Variants in KYNU observed in about 807,000 individuals in gnomAD.
The protein encoded by KYNU is L-kynurenine hydrolase.
A neutral mutation model predicts 59.2 loss-of-function variants in KYNU; 54 were observed. That is an observed-to-expected ratio of 0.91 (90% CI 0.73 to 1.14). The LOEUF is 1.14. Among genes scored for constraint, KYNU ranks in the 50% most tolerant of loss-of-function variants. The pLI, the probability that KYNU is intolerant of heterozygous loss-of-function variation, is 0.00. For missense variants in KYNU, 567 were observed against 554.4 expected (o/e 1.02, Z -0.23); for synonymous variants, 177 against 192.0 (o/e 0.92, Z 0.65).
chr2:143,029,586 A>G, intron 10 of KYNU, 41 bp from the exon 11 acceptor site: 2 of 1,419,536 alleles, frequency 1.4e-6, no homozygotes, highest in South Asian at 2.3e-5. Flanking sequence ...ACTCCATCCA[A>G]AAAAACCCCC....
At chr2:143,002,557 A>G (rs1204639885) in intron 10 of KYNU, among the ~76,000 whole-genome samples, 2 of 152,224 alleles carry the variant, frequency 1.3e-5, no homozygotes, top group East Asian at 3.8e-4. Context: ...TGAATTTTTA[A>G]TATCACTCCA....
At chr2:143,000,635 A>C (rs188644697) in intron 10 of KYNU, among the ~76,000 whole-genome samples, 29 of 146,194 alleles carry the variant, frequency 2.0e-4, no homozygotes, top group Non-Finnish European at 2.7e-4. Context: ...GGCACTAGAA[A>C]AGCTTTTGGA....
At chr2:142,969,194 A>G (rs1425013694) in intron 8 of KYNU, among the ~76,000 whole-genome samples, 6 of 152,144 alleles carry the variant, frequency 3.9e-5, no homozygotes, top group African/African-American at 1.4e-4. Context: ...ACACATATAT[A>G]TATTTGTAAA....
At position 143,040,787 on chromosome 2, in the gene KYNU, G is replaced by T. The variant is rs115827838; in HGVS notation, c.1272+129G>T. On this transcript the variant is annotated intron_variant, in intron 13 of 13. Coordinates refer to ENST00000264170, the MANE Select transcript of KYNU (RefSeq NM_003937.3). ...AGTCAGTCAATTAAGGATAAATTAAGTGCCAACTAAGCCCTCAGCACTGTG... is the reference window on the plus strand; with the variant it reads ...AGTCAGTCAATTAAGGATAAATTAATTGCCAACTAAGCCCTCAGCACTGTG... The T allele has an allele frequency of 1.2e-3, 757 of 639,550 alleles. 5 individuals carry two copies. The African/African-American group carries it at 0.013, about 11-fold the overall frequency. The allele number at this position is 639,550 out of a possible 1,614,324, so 39.6% of individuals were successfully genotyped here.
At chr2:142,984,361 C>T (rs1685137857) in intron 8 of KYNU, among the ~76,000 whole-genome samples, 1 of 151,914 alleles carries the variant, frequency 6.6e-6, no homozygotes, top group Non-Finnish European at 1.5e-5. Context: ...ATTCTAATTT[C>T]CCCTGGAAAC....
intron 10 of KYNU, among the ~76,000 whole-genome samples, chr2:143,017,791 A>G (rs1686300569): frequency 6.6e-6 from 1 of 151,876 alleles, no homozygotes; most frequent in Non-Finnish European, 1.5e-5. Flanking sequence ...GTGGTGTATC[A>G]TTGTGGGTTT....
Position 142,909,298 on chromosome 2 carries a change from A to G in KYNU, c.170-9311A>G, listed in dbSNP as rs190389881. Among the ~76,000 whole-genome samples, 1,178 of 152,320 alleles carry G rather than the reference A, an allele frequency of 7.7e-3. 10 individuals are homozygous for G. Among genetic ancestry groups the G allele is most frequent in the Middle Eastern group, 0.02 (6 of 294 alleles). On this transcript the variant is annotated intron_variant, in intron 2 of 13. Coordinates refer to ENST00000264170, the MANE Select transcript of KYNU (RefSeq NM_003937.3). Reference sequence around the variant, plus strand: ...GGGATGCCAACAATGAATATATTAAAGGGACATACAGGCATAACTCATTTT... The same window carrying G: ...GGGATGCCAACAATGAATATATTAAGGGGACATACAGGCATAACTCATTTT...
intron 2 of KYNU, among the ~76,000 whole-genome samples, chr2:142,898,256 CTT>C (rs1027916140): frequency 8.1e-5 from 12 of 147,292 alleles, no homozygotes; most frequent in Admixed American, 6.8e-5. Flanking sequence ...TTTTCTTTTT[CTT>C]TTTTTTTTTC....
chr2:143,018,681 G>A (rs1387698828), intron 10 of KYNU, among the ~76,000 whole-genome samples: 2 of 152,056 alleles, frequency 1.3e-5, no homozygotes, highest in East Asian at 3.8e-4. Context: ...AAAAAATAAT[G>A]TTGGTAGCTT....
In KYNU at chr2:143,010,766, C is replaced by A. The variant is rs1330260837; in HGVS notation, c.903-18861C>A. On this transcript the variant is annotated intron_variant, in intron 10 of 13. Transcript: ENST00000264170. Reference sequence around the variant, plus strand: ...CCTCATAAATAATGCCGCATACCTACAACTATCTGATCTTTGACAAACCTG... The same window carrying A: ...CCTCATAAATAATGCCGCATACCTAAAACTATCTGATCTTTGACAAACCTG... Among the ~76,000 whole-genome samples the A allele has an allele frequency of 4.1e-4, 60 of 147,042 alleles. 1 individual carries two copies. Among genetic ancestry groups the A allele is most frequent in the African/African-American group, 1.4e-3 (57 of 39,332 alleles).
intron 10 of KYNU, among the ~76,000 whole-genome samples, chr2:142,991,546 A>C (rs927018418): frequency 1.3e-5 from 2 of 151,832 alleles, no homozygotes; most frequent in Admixed American, 1.3e-4. Flanking sequence ...ATGACTTTCC[A>C]GCTACAACTT....
intron 8 of KYNU, chr2:142,971,281 A>G (rs1355912350): frequency 6.7e-6 from 1 of 150,340 alleles, no homozygotes; most frequent in Non-Finnish European, 1.5e-5. Context: ...TCGCTGGTGA[A>G]TATATCTATA....
chr2:143,040,322 G>A, intron 12 of KYNU, 106 bp from the exon 13 acceptor site: 1 of 764,818 alleles, frequency 1.3e-6, no homozygotes, highest in East Asian at 2.6e-5. Context: ...ATATTTATTG[G>A]AAAGATCAAA....
intron 10 of KYNU, among the ~76,000 whole-genome samples, chr2:143,019,806 G>A (rs1210998396): frequency 6.6e-6 from 1 of 151,930 alleles, no homozygotes; most frequent in Non-Finnish European, 1.5e-5. Flanking sequence ...TTTAATGGGA[G>A]GCTTTTTATT....
chr2:142,881,258 A>G (rs565300703), intron 1 of KYNU: 3 of 152,380 alleles, frequency 2.0e-5, no homozygotes, highest in African/African-American at 7.2e-5. Flanking sequence ...ACACTTTTGT[A>G]CAGAACCATG....
intron 12 of KYNU, among the ~76,000 whole-genome samples, chr2:143,036,269 G>T (rs1263948568): frequency 6.6e-6 from 1 of 152,018 alleles, no homozygotes; most frequent in African/African-American, 2.4e-5. Flanking sequence ...CAGCAGTTTT[G>T]CCATGAGAGT....
chr2:143,043,667 A>G lies in KYNU; in HGVS notation c.*1495A>G, dbSNP rs932377259. On this transcript the variant is annotated 3_prime_UTR_variant, in exon 14 of 14. Coordinates refer to ENST00000264170, the MANE Select transcript of KYNU (RefSeq NM_003937.3). ...TTCCTACTGTAACTAATCCTCATAG[A>G]TGGAAGAGTTCTCAAAACCTTAAAA... is the stretch of plus-strand genomic sequence containing the variant. The G allele has an allele frequency of 2.0e-5, 3 of 150,214 alleles. No homozygotes were observed. Among genetic ancestry groups the G allele is most frequent in the Non-Finnish European group, 4.4e-5 (3 of 67,600 alleles). 9.3% of individuals were successfully genotyped at this position (150,214 alleles called of 1,614,324 possible).
rs1278323246 is a variant in KYNU at position 142,885,372 on chromosome 2, A to C, written c.5A>C (p.Glu2Ala). The change falls in exon 2 of 14, where the codon GAG becomes GCG. Residue 2 changes from glutamate to alanine, a missense_variant. Coordinates refer to ENST00000264170, the MANE Select transcript of KYNU (RefSeq NM_003937.3). M[E>A]PSSLELPADT... ...AGTTTTAGAGAACAACTTGTAATGG[A>C]GCCTTCATCTCTTGAGCTGCCGGCT... The C allele has an allele frequency of 2.5e-6, 4 of 1,613,774 alleles. No homozygotes were observed. Among genetic ancestry groups the C allele is most frequent in the Non-Finnish European group, 3.4e-6 (4 of 1,179,832 alleles).
intron 10 of KYNU, among the ~76,000 whole-genome samples, chr2:143,007,126 T>G (rs1249410750): frequency 6.6e-6 from 1 of 151,750 alleles, no homozygotes; most frequent in Non-Finnish European, 1.5e-5. Flanking sequence ...GGGAGGACAT[T>G]CAAACCAAAG....
Sources: gnomAD v4.1 joint callset for allele counts (sites outside exome capture counted in the v4.1 genomes callset) on GRCh38, gnomAD v4.1.1 for gene constraint, MANE v1.5 for transcripts, NCBI Gene and HGNC (gene_info 2026-07-23, HGNC 2026-07-21) for gene names.